The following SLC4A4 variants were observed in gnomAD, a reference collection of about 807,000 sequenced individuals.
The protein encoded by SLC4A4 is solute carrier family 4 member 4.
A neutral mutation model predicts 111.5 loss-of-function variants in SLC4A4; 27 were observed. The observed-to-expected ratio is 0.24, with a 90% confidence interval of 0.18 to 0.33. SLC4A4 has a LOEUF of 0.33. Among genes scored for constraint, SLC4A4 ranks in the 10% least tolerant of loss-of-function variants. The probability of loss-of-function intolerance (pLI) is 1.00; values close to 1 mark genes in which losing one functional copy is unlikely to be tolerated. For missense variants in SLC4A4, 909 were observed against 1,315.5 expected (o/e 0.69, Z 4.78); for synonymous variants, 443 against 463.4 (o/e 0.96, Z 0.57).
intron 4 of SLC4A4, among the ~76,000 whole-genome samples, chr4:71,340,005 C>T (rs1333847538): frequency 1.3e-5 from 2 of 151,462 alleles, no homozygotes; most frequent in Non-Finnish European, 2.9e-5. Flanking sequence ...ATTGCCTGAG[C>T]CTAGGGTTCA....
intron 2 of SLC4A4, among the ~76,000 whole-genome samples, chr4:71,139,415 C>T (rs1167590143): frequency 1.3e-5 from 2 of 152,134 alleles, no homozygotes; most frequent in Non-Finnish European, 2.9e-5. Flanking sequence ...GGTTGTTCAC[C>T]CCTGTTTTCA....
chr4:71,320,311 G>A (rs574806563), intron 3 of SLC4A4, among the ~76,000 whole-genome samples: 3 of 152,076 alleles, frequency 2.0e-5, no homozygotes, highest in South Asian at 2.1e-4. Context: ...AATTGACAGC[G>A]TGACCTCAAG....
chr4:71,223,442 C>T (rs954650737), intron 1 of SLC4A4, among the ~76,000 whole-genome samples: 2 of 152,122 alleles, frequency 1.3e-5, no homozygotes, highest in African/African-American at 4.8e-5. Context: ...GTTTTACAGG[C>T]GTGAGCCACC....
At chr4:71,486,411 A>C (rs1397865429) in intron 14 of SLC4A4, among the ~76,000 whole-genome samples, 2 of 151,654 alleles carry the variant, frequency 1.3e-5, no homozygotes, top group Admixed American at 1.3e-4. Context: ...TTAAAATTAG[A>C]TTAAATGTTC....
chr4:71,309,110 C>T lies in SLC4A4; in HGVS notation c.254-30260C>T, dbSNP rs966612142. Among the ~76,000 whole-genome samples the T allele has an allele frequency of 4.6e-5, 7 of 152,110 alleles. 1 individual carries two copies. The South Asian group carries it at 1.0e-3, about 22-fold the overall frequency. The stretch of plus-strand genomic sequence containing the variant: ...TCCCCTGACCATGCTAAGGACTGGA[C>T]GTAACTCAACACAGCACAGCAAAGT... On this transcript the variant is annotated intron_variant, in intron 3 of 25. Transcript: ENST00000264485.
Position 71,550,541 on chromosome 4 carries a change from T to G in SLC4A4, c.2694+2821T>G, listed in dbSNP as rs7685152. Among the ~76,000 whole-genome samples, 5 of 151,842 alleles carry G rather than the reference T, an allele frequency of 3.3e-5. No individual in the cohort carries two copies. The East Asian group carries it at 9.8e-4, about 30-fold the overall frequency. ...GGGGTTATGTTGGAGTAGGAAACCT[T>G]TTTTCCTCCCCTTTGTGACTATGTG... On this transcript the variant is annotated intron_variant, in intron 20 of 25. Transcript: ENST00000264485.
intron 16 of SLC4A4, among the ~76,000 whole-genome samples, chr4:71,505,628 C>T (rs950717112): frequency 7.9e-5 from 12 of 152,054 alleles, no homozygotes; most frequent in Admixed American, 2.6e-4. Context: ...AATTTTCTTC[C>T]ATTCTGTAGG....
chr4:71,269,657 A>C (rs2149078813), intron 3 of SLC4A4, among the ~76,000 whole-genome samples: 1 of 152,368 alleles, frequency 6.6e-6, no homozygotes, highest in South Asian at 2.1e-4. Flanking sequence ...CATGTACTAT[A>C]GACTTAATAA....
At chr4:71,547,817 C>A in intron 20 of SLC4A4, 97 bp downstream of exon 20, 4 of 1,033,992 alleles carry the variant, frequency 3.9e-6, no homozygotes, top group East Asian at 2.4e-5. Context: ...TTGCGAGATT[C>A]TCATCAGTTC....
In SLC4A4 at chr4:71,571,809, ATTAAC is replaced by A. The variant is rs906926038; in HGVS notation, c.*4061_*4065del. 2.0e-5 allele frequency: 3 copies of A among 152,224 alleles called. No individual in the cohort carries two copies. Among genetic ancestry groups the A allele is most frequent in the African/African-American group, 7.2e-5 (3 of 41,380 alleles). The allele number at this position is 152,224 out of a possible 1,614,324, so 9.4% of individuals were successfully genotyped here. ...CTTATTTTTATTCTCTTAAGTCTTT[ATTAAC>A]TTTGGAGAGAGAAATGATGCATCTT... is the stretch of plus-strand genomic sequence containing the variant. On this transcript the variant is annotated 3_prime_UTR_variant, in exon 26 of 26. Transcript: ENST00000264485.
intron 1 of SLC4A4, among the ~76,000 whole-genome samples, chr4:71,222,530 C>T (rs1425213425): frequency 1.3e-5 from 2 of 152,162 alleles, no homozygotes; most frequent in East Asian, 1.9e-4. Flanking sequence ...ATTCATCCTT[C>T]GTGCCTAGAA....
At chr4:71,435,246 A>G (rs1256677491) in intron 7 of SLC4A4, among the ~76,000 whole-genome samples, 2 of 152,242 alleles carry the variant, frequency 1.3e-5, no homozygotes, top group African/African-American at 4.8e-5. Context: ...GGCCTCAGAA[A>G]TAACATCACA....
chr4:71,317,739 A>G (rs1026676475), intron 3 of SLC4A4, among the ~76,000 whole-genome samples: 4 of 152,082 alleles, frequency 2.6e-5, no homozygotes, highest in Non-Finnish European at 4.4e-5. Context: ...ACACTATAGC[A>G]GGAAGAGTAC....
At chr4:71,112,587 A>T (rs1038361253) in intron 2 of SLC4A4, among the ~76,000 whole-genome samples, 1 of 152,230 alleles carries the variant, frequency 6.6e-6, no homozygotes, top group African/African-American at 2.4e-5. Flanking sequence ...TTTTCTTTTC[A>T]GAATCACACC....
intron 2 of SLC4A4, among the ~76,000 whole-genome samples, chr4:71,112,390 G>A (rs1452856080): frequency 6.6e-6 from 1 of 152,050 alleles, no homozygotes; most frequent in Non-Finnish European, 1.5e-5. Flanking sequence ...AATATAGTCG[G>A]GTTAATTAGC....
At chr4:71,504,436 C>T (rs1183649850) in intron 16 of SLC4A4, among the ~76,000 whole-genome samples, 1 of 151,738 alleles carries the variant, frequency 6.6e-6, no homozygotes, top group Non-Finnish European at 1.5e-5. Flanking sequence ...TTATTTCTTT[C>T]ACTAAATTCT....
chr4:71,159,784 G>A (rs545427653), intron 2 of SLC4A4, among the ~76,000 whole-genome samples: 13 of 152,146 alleles, frequency 8.5e-5, no homozygotes, highest in East Asian at 1.9e-4. Context: ...GTAGAGCCCT[G>A]TATTACTCAG....
chr4:71,425,362 A>G (rs990737066), intron 7 of SLC4A4, among the ~76,000 whole-genome samples: 1 of 152,128 alleles, frequency 6.6e-6, no homozygotes, highest in African/African-American at 2.4e-5. Context: ...TGGTTGTACT[A>G]GGCTTGCTCT....
At chr4:71,242,593 A>G (rs1419792226) in intron 2 of SLC4A4, among the ~76,000 whole-genome samples, 1 of 152,138 alleles carries the variant, frequency 6.6e-6, no homozygotes, top group East Asian at 1.9e-4. Context: ...CATTAGGAAC[A>G]GGAGTGCTTT....
Sources: allele counts gnomAD v4.1 joint callset (sites outside exome capture counted in the v4.1 genomes callset), GRCh38; gene constraint gnomAD v4.1.1; transcripts MANE v1.5; gene names NCBI Gene and HGNC (gene_info 2026-07-23, HGNC 2026-07-21).